The following DCLK1 variants were observed in gnomAD, a reference collection of about 807,000 sequenced individuals.
The protein encoded by DCLK1 is serine/threonine-protein kinase DCLK1.
Under a neutral mutation model 86.2 loss-of-function variants are expected in DCLK1, and 16 were observed. The observed-to-expected ratio is 0.19, with a 90% CI of 0.13 to 0.28. DCLK1 has a LOEUF of 0.28. Ranked by LOEUF, DCLK1 falls within the 10% of genes least tolerant of loss-of-function variation. The pLI is 1.00. For synonymous variants in DCLK1, 369 were observed against 370.5 expected, an observed-to-expected ratio of 1.00 and a Z score of 0.05; for missense variants, 590 against 940.2, an observed-to-expected ratio of 0.63 and a Z score of 4.87.
rs1389506612 is a variant in DCLK1, at chr13:36,011,799, G to C, written c.724-64342C>G. ...GGTATCCTTTTTGACTTTCTGTCTC[G>C]TTCATCTGTCTAATGTTGACAGTGG... is the stretch of plus-strand genomic sequence containing the variant. On this transcript the variant is annotated intron_variant, in intron 3 of 16. Coordinates refer to ENST00000360631, the MANE Select transcript of DCLK1 (RefSeq NM_001330071.2). Among the ~76,000 whole-genome samples, 16 of 149,758 alleles carry C rather than the reference G, an allele frequency of 1.1e-4. No individual in the cohort carries two copies. The South Asian group carries it at 2.8e-3, about 26-fold the overall frequency.
At chr13:35,812,378 C>G (rs1332132680) in intron 11 of DCLK1, among the ~76,000 whole-genome samples, 4 of 152,192 alleles carry the variant, frequency 2.6e-5, no homozygotes, top group African/African-American at 7.2e-5. Context: ...AATACTTGAT[C>G]CAGCAAGCCG....
chr13:35,982,050 A>ATGAATTT (rs1879670039), intron 3 of DCLK1, among the ~76,000 whole-genome samples: 1 of 152,150 alleles, frequency 6.6e-6, no homozygotes, highest in East Asian at 1.9e-4. Context: ...CTGAAATTCT[A>ATGAATTT]TGAATTTTTG....
chr13:35,932,814 A>T (rs1437055605), intron 4 of DCLK1, among the ~76,000 whole-genome samples: 2 of 152,230 alleles, frequency 1.3e-5, no homozygotes, highest in Non-Finnish European at 2.9e-5. Flanking sequence ...ATCTTTCTGC[A>T]CTTGGCCCCT....
intron 3 of DCLK1, among the ~76,000 whole-genome samples, chr13:35,975,906 C>T (rs767896649): frequency 2.6e-5 from 4 of 152,206 alleles, no homozygotes; most frequent in African/African-American, 7.2e-5. Flanking sequence ...CCACAATGCA[C>T]TACCAGCTGC....
chr13:35,831,524 T>G (rs1566556729), intron 8 of DCLK1, among the ~76,000 whole-genome samples: 1 of 152,178 alleles, frequency 6.6e-6, no homozygotes, highest in Admixed American at 6.5e-5. Flanking sequence ...GTGTAATTAT[T>G]CAGCAGTGGG....
chr13:35,908,910 A>G (rs1874836743), intron 4 of DCLK1, among the ~76,000 whole-genome samples: 1 of 152,248 alleles, frequency 6.6e-6, no homozygotes, highest in African/African-American at 2.4e-5. Context: ...TGTTAGGATT[A>G]CAGGTGTGAG....
At chr13:35,792,548 G>C (rs2086727636) in intron 16 of DCLK1, among the ~76,000 whole-genome samples, 1 of 152,084 alleles carries the variant, frequency 6.6e-6, no homozygotes. Flanking sequence ...AAGAAAAACA[G>C]CTCAAGTGAT....
rs1197653192 is a variant in DCLK1 at position 36,110,854 on chromosome 13, G to A, written c.723+1015C>T. On this transcript the variant is annotated intron_variant, in intron 3 of 16. Transcript: ENST00000360631. ...TTTTTTTTTTTTTTTTTTTTGAGAC[G>A]GAATCTTGTTCTGTCACCCAGGCTG... 7.6e-4 allele frequency among the ~76,000 whole-genome samples: 97 copies of A among 127,544 alleles called. 1 individual carries two copies. The highest frequency in any genetic ancestry group is 2.6e-3 in the African/African-American group (86 of 32,756). The allele number at this position is 127,544 out of a possible 152,430, so 83.7% of individuals were successfully genotyped here.
At chr13:36,076,434 G>A (rs1884216297) in intron 3 of DCLK1, among the ~76,000 whole-genome samples, 1 of 152,134 alleles carries the variant, frequency 6.6e-6, no homozygotes, top group Admixed American at 6.5e-5. Flanking sequence ...AATAACTTGA[G>A]AATTAATGCA....
At chr13:35,863,765 T>C (rs529932471) in intron 5 of DCLK1, among the ~76,000 whole-genome samples, 7 of 152,378 alleles carry the variant, frequency 4.6e-5, no homozygotes, top group Admixed American at 4.6e-4. Context: ...AGGTGTTTGA[T>C]ATAAATCAAA....
chr13:35,960,861 A>G (rs1416987533), intron 3 of DCLK1, among the ~76,000 whole-genome samples: 4 of 152,128 alleles, frequency 2.6e-5, no homozygotes, highest in African/African-American at 9.7e-5. Flanking sequence ...TTTTTCTTCT[A>G]CAAACTTGTC....
intron 3 of DCLK1, among the ~76,000 whole-genome samples, chr13:36,071,779 T>C (rs1883982984): frequency 6.6e-6 from 1 of 152,160 alleles, no homozygotes; most frequent in Non-Finnish European, 1.5e-5. Context: ...CCAGTTTGAT[T>C]GACATAAAGT....
intron 3 of DCLK1, among the ~76,000 whole-genome samples, chr13:36,015,742 C>A (rs528878150): frequency 6.6e-6 from 1 of 152,198 alleles, no homozygotes; most frequent in Non-Finnish European, 1.5e-5. Context: ...ACCTGCCAAC[C>A]AGTGATCATT....
At chr13:35,990,123 C>G (rs981205660) in intron 3 of DCLK1, among the ~76,000 whole-genome samples, 1 of 152,132 alleles carries the variant, frequency 6.6e-6, no homozygotes, top group African/African-American at 2.4e-5. Flanking sequence ...GTCCTAGGTC[C>G]TAGTTCCCAA....
intron 4 of DCLK1, among the ~76,000 whole-genome samples, chr13:35,923,777 T>C (rs925876486): frequency 4.0e-5 from 6 of 151,818 alleles, no homozygotes; most frequent in Admixed American, 1.3e-4. Flanking sequence ...CCGAGAAGGG[T>C]GACAATTTTG....
At chr13:35,860,648 T>C (rs533387188) in intron 5 of DCLK1, among the ~76,000 whole-genome samples, 2 of 152,266 alleles carry the variant, frequency 1.3e-5, no homozygotes, top group South Asian at 4.1e-4. Flanking sequence ...GCTCCTAGTG[T>C]TTCTCAATTC....
chr13:35,808,716 G>A (rs1257053257), intron 13 of DCLK1, among the ~76,000 whole-genome samples: 1 of 152,038 alleles, frequency 6.6e-6, no homozygotes, highest in Non-Finnish European at 1.5e-5. Context: ...TTGGGAGGCA[G>A]AGGTTGCAGT....
At position 36,115,954 on chromosome 13, in the gene DCLK1, T is replaced by C. The variant is rs112475693; in HGVS notation, c.377-3739A>G. On this transcript the variant is annotated intron_variant, in intron 2 of 16. Transcript: ENST00000360631. The stretch of plus-strand genomic sequence containing the variant: ...TATGTATTTTTATTTTTATGTTTCA[T>C]TTTTTATGTTTTTGAGACAGAGTCT... Among the ~76,000 whole-genome samples, 957 of 151,070 alleles carry C rather than the reference T, an allele frequency of 6.3e-3. 13 individuals are homozygous for C. The highest frequency in any genetic ancestry group is 0.022 in the African/African-American group (904 of 40,984).
chr13:35,961,425 T>C (rs746271188), intron 3 of DCLK1, among the ~76,000 whole-genome samples: 53 of 152,358 alleles, frequency 3.5e-4, no homozygotes, highest in Middle Eastern at 3.4e-3. Flanking sequence ...TTGAAAATTA[T>C]TCTGGTCTAA....
Sources: allele counts gnomAD v4.1 joint callset (sites outside exome capture counted in the v4.1 genomes callset), GRCh38; gene constraint gnomAD v4.1.1; transcripts MANE v1.5; gene names NCBI Gene and HGNC (gene_info 2026-07-23, HGNC 2026-07-21).